CAST: variants seen among roughly 807,000 people sequenced by gnomAD.
CAST encodes the protein calpastatin, also known as MIR583 host.
Under a neutral mutation model 119.6 loss-of-function variants are expected in CAST, and 76 were observed. The observed-to-expected ratio is 0.64, with a 90% CI of 0.53 to 0.77. CAST has a LOEUF of 0.77. Among genes scored for constraint, CAST ranks in the 30% least tolerant of loss-of-function variants. The probability of loss-of-function intolerance (pLI) is 0.00; values close to 1 mark genes in which losing one functional copy is unlikely to be tolerated. For synonymous variants in CAST, 319 were observed against 331.6 expected (o/e 0.96, Z 0.41); for missense variants, 953 against 946.5 (o/e 1.01, Z -0.09).
At chr5:96,178,989 C>T in the CAST span, among the ~76,000 whole-genome samples, 1 of 152,216 alleles carries the variant, frequency 6.6e-6, no homozygotes, top group Non-Finnish European at 1.5e-5. Flanking sequence ...GGGGTTCCCT[C>T]TTGACTCTCT....
intron 8 of CAST, among the ~76,000 whole-genome samples, 193 bp from the exon 9 acceptor site, chr5:96,730,587 C>G (rs915776377): frequency 6.6e-6 from 1 of 152,144 alleles, no homozygotes; most frequent in East Asian, 1.9e-4. Flanking sequence ...CCTGCGTGAA[C>G]GTTTTAGGCT....
At chr5:96,130,431 A>G in the CAST span, among the ~76,000 whole-genome samples, 10 of 141,282 alleles carry the variant, frequency 7.1e-5, no homozygotes, top group Non-Finnish European at 1.1e-4. Context: ...GTACTCAGGA[A>G]CAGAAAAAGG....
intron 29 of CAST, chr5:96,768,812 T>G (rs1055020489): frequency 1.3e-5 from 2 of 159,164 alleles, no homozygotes; most frequent in African/African-American, 4.8e-5. Flanking sequence ...TAGGGAAGAC[T>G]TTCTTGTCTT....
the CAST span, among the ~76,000 whole-genome samples, chr5:96,163,040 G>A: frequency 6.6e-6 from 1 of 152,084 alleles, no homozygotes; most frequent in Non-Finnish European, 1.5e-5. Context: ...TTTGAGGGTA[G>A]CTTTTAAATT....
At chr5:96,706,754 C>T (rs1303603490) in intron 3 of CAST, among the ~76,000 whole-genome samples, 1 of 152,188 alleles carries the variant, frequency 6.6e-6, no homozygotes, top group East Asian at 1.9e-4. Flanking sequence ...TTCTGTTGCA[C>T]ACCTTTGCAT....
the CAST span, among the ~76,000 whole-genome samples, chr5:96,156,174 G>A: frequency 6.6e-6 from 1 of 152,166 alleles, no homozygotes; most frequent in Admixed American, 6.5e-5. Context: ...GGAATCACTT[G>A]CTGAGGCCCC....
chr5:96,464,202 G>T, the CAST span, among the ~76,000 whole-genome samples: 3 of 151,900 alleles, frequency 2.0e-5, no homozygotes, highest in Admixed American at 2.0e-4. Context: ...CTACAGAAAA[G>T]GTTCTGGTAA....
chr5:96,484,220 G>A, the CAST span, among the ~76,000 whole-genome samples: 113 of 152,118 alleles, frequency 7.4e-4, no homozygotes, highest in Non-Finnish European at 1.3e-3. Flanking sequence ...TATACCCAAG[G>A]TTGCCATTAC....
At chr5:96,350,854 T>C in the CAST span, among the ~76,000 whole-genome samples, 1 of 152,168 alleles carries the variant, frequency 6.6e-6, no homozygotes, top group African/African-American at 2.4e-5. Context: ...GTAATTATCA[T>C]TGCACAATCA....
chr5:96,385,916 C>T, the CAST span, among the ~76,000 whole-genome samples: 1 of 152,260 alleles, frequency 6.6e-6, no homozygotes, highest in Non-Finnish European at 1.5e-5. Context: ...TAAGGCATAG[C>T]TTGGATGCTG....
At chr5:96,411,343 C>A in the CAST span, among the ~76,000 whole-genome samples, 1 of 152,216 alleles carries the variant, frequency 6.6e-6, no homozygotes, top group Non-Finnish European at 1.5e-5. Flanking sequence ...TTTCTTTCTG[C>A]TTCAATCTTC....
intron 1 of CAST, among the ~76,000 whole-genome samples, chr5:96,615,114 C>A (rs1199111114): frequency 6.6e-6 from 1 of 152,218 alleles, no homozygotes; most frequent in East Asian, 1.9e-4. Flanking sequence ...ATATTCAATA[C>A]ATTACATGAG....
At chr5:96,203,123 A>T in the CAST span, among the ~76,000 whole-genome samples, 2 of 151,980 alleles carry the variant, frequency 1.3e-5, no homozygotes, top group Admixed American at 6.6e-5. Context: ...TTGATTTACA[A>T]AAAAAGATCA....
the CAST span, among the ~76,000 whole-genome samples, chr5:95,968,985 G>T: frequency 6.6e-6 from 1 of 152,152 alleles, no homozygotes; most frequent in Non-Finnish European, 1.5e-5. Flanking sequence ...TCAGCTCAGG[G>T]TGTTGGGAAA....
At chr5:96,257,399 GAA>G in the CAST span, among the ~76,000 whole-genome samples, 2 of 151,756 alleles carry the variant, frequency 1.3e-5, no homozygotes, top group Non-Finnish European at 1.5e-5. Flanking sequence ...ATCTTGGTTG[GAA>G]AAAAAAGAAA....
the CAST span, among the ~76,000 whole-genome samples, chr5:96,257,845 C>T: frequency 6.6e-6 from 1 of 152,204 alleles, no homozygotes; most frequent in Non-Finnish European, 1.5e-5. Context: ...GAAAACACAG[C>T]GGCGCACAAG....
At chr5:96,423,519 CA>C in the CAST span, 1 of 1,484,932 alleles carries the variant, frequency 6.7e-7, no homozygotes, top group Non-Finnish European at 9.4e-7. Flanking sequence ...ACAAAATGGG[CA>C]CTTCAGTTCC....
chr5:95,983,998 A>T, the CAST span, among the ~76,000 whole-genome samples: 1 of 152,190 alleles, frequency 6.6e-6, no homozygotes, highest in South Asian at 2.1e-4. Context: ...ATAGGAAAAA[A>T]TACCCTAGAA....
the CAST span, among the ~76,000 whole-genome samples, chr5:96,008,288 A>G: frequency 2.6e-5 from 4 of 152,182 alleles, no homozygotes; most frequent in African/African-American, 7.2e-5. Flanking sequence ...TACTTCCTTT[A>G]TATCTATCAC....
Sources: allele counts gnomAD v4.1 joint callset (sites outside exome capture counted in the v4.1 genomes callset), GRCh38; gene constraint gnomAD v4.1.1; transcripts MANE v1.5; gene names NCBI Gene and HGNC (gene_info 2026-07-23, HGNC 2026-07-21).